BMP2K: variants seen among roughly 807,000 people sequenced by gnomAD.
BMP2K encodes BMP-2-inducible protein kinase.
A neutral mutation model predicts 116.0 loss-of-function variants in BMP2K; 74 were observed. The ratio of observed to expected loss-of-function variants is 0.64; its 90% CI spans 0.53 to 0.77. The LOEUF (loss-of-function observed/expected upper bound fraction) is 0.77, where lower values mean the gene tolerates loss of function less well. BMP2K is among the 30% of genes least tolerant of loss of function. The probability of loss-of-function intolerance (pLI) is 0.00; values close to 1 mark genes in which losing one functional copy is unlikely to be tolerated. For missense variants in BMP2K, 1,365 were observed against 1,403.6 expected, an observed-to-expected ratio of 0.97 and a Z score of 0.44; for synonymous variants, 486 against 502.5, an observed-to-expected ratio of 0.97 and a Z score of 0.44.
At chr4:78,786,667 T>C (rs187010302) in intron 1 of BMP2K, among the ~76,000 whole-genome samples, 102 of 152,314 alleles carry the variant, frequency 6.7e-4, no homozygotes, top group African/African-American at 2.4e-3. Context: ...TCCACCACTC[T>C]GTTAAAAATG....
intron 9 of BMP2K, among the ~76,000 whole-genome samples, chr4:78,861,700 T>C (rs1560533577): frequency 6.6e-6 from 1 of 151,994 alleles, no homozygotes; most frequent in African/African-American, 2.4e-5. Flanking sequence ...AAGTGATTAT[T>C]TAACTGATGA....
intron 1 of BMP2K, among the ~76,000 whole-genome samples, chr4:78,807,738 C>T (rs535985053): frequency 1.3e-5 from 2 of 150,828 alleles, no homozygotes; most frequent in African/African-American, 4.8e-5. Flanking sequence ...CCTTACAATC[C>T]TTTTGATTTC....
chr4:78,826,164 A>G lies in BMP2K; in HGVS notation c.297+9A>G, dbSNP rs1231702180. 6.3e-7 allele frequency: 1 copy of G among 1,590,428 alleles called. No homozygotes were observed. The highest frequency in any genetic ancestry group is 2.2e-5 in the East Asian group (1 of 44,770). On this transcript the variant is annotated intron_variant, in intron 2 of 15. Transcript: ENST00000502613. ...GGGAAATTACAATTATGGTAAGTGA[A>G]GGAGTAGTTCTCTTTCAGAAATTTT...
At position 78,870,132 on chromosome 4, in the gene BMP2K, T is replaced by C. The variant is rs1577943827; in HGVS notation, c.1232-651T>C. ...GTTTATTCATAGGATTTGCCTAGGGTATAATTTATGGAGCTTATAAATAAA... is the reference window on the plus strand; with the variant it reads ...GTTTATTCATAGGATTTGCCTAGGGCATAATTTATGGAGCTTATAAATAAA... On this transcript the variant is annotated intron_variant, in intron 10 of 15. Transcript: ENST00000502613. Among the ~76,000 whole-genome samples, 3 of 152,330 alleles carry C rather than the reference T, an allele frequency of 2.0e-5. No individual in the cohort carries two copies. In the South Asian group the frequency reaches 6.2e-4, roughly 32 times the overall value.
chr4:78,904,888 G>T (rs1262897541), intron 15 of BMP2K, among the ~76,000 whole-genome samples: 3 of 151,826 alleles, frequency 2.0e-5, no homozygotes, highest in Non-Finnish European at 4.4e-5. Context: ...AAATAAGATA[G>T]TTATAATTCC....
In BMP2K at chr4:78,871,993, G is replaced by A. The variant is rs778797400; in HGVS notation, c.1608+45G>A. The A allele has an allele frequency of 5.9e-6, 8 of 1,346,606 alleles. No homozygotes were observed. In the Admixed American group the frequency reaches 1.2e-4, roughly 20 times the overall value. The allele number at this position is 1,346,606 out of a possible 1,614,324, so 83.4% of individuals were successfully genotyped here. A position where few individuals can be genotyped will look rare whatever the true frequency, so the allele number is the denominator to read the frequency against. On this transcript the variant is annotated intron_variant, in intron 12 of 15. Transcript: ENST00000502613. ...GAGATTTCTCTGAGTATACATTATG[G>A]TGTTGGAATTCACAGTATGAATCAT...
chr4:78,807,591 A>T (rs745708124), intron 1 of BMP2K, among the ~76,000 whole-genome samples: 75 of 151,002 alleles, frequency 5.0e-4, no homozygotes, highest in Admixed American at 1.7e-3. Flanking sequence ...TTACTAACTC[A>T]ATCTCTTTAC....
intron 3 of BMP2K, among the ~76,000 whole-genome samples, chr4:78,841,040 G>T (rs1400220273): frequency 2.6e-5 from 4 of 152,140 alleles, no homozygotes; most frequent in African/African-American, 9.7e-5. Flanking sequence ...TGCATGGTCA[G>T]GTGCCCCAGT....
rs1734721164 is a variant in BMP2K, at chr4:78,912,763, A to G, written c.*730A>G. 1 of 151,814 alleles carries G rather than the reference A, an allele frequency of 6.6e-6. No homozygotes were observed. The highest frequency in any genetic ancestry group is 2.1e-4 in the South Asian group (1 of 4,792). 9.4% of individuals were successfully genotyped at this position (151,814 alleles called of 1,614,324 possible). A position where few individuals can be genotyped will look rare whatever the true frequency, so the allele number is the denominator to read the frequency against. On this transcript the variant is annotated 3_prime_UTR_variant, in exon 16 of 16. Transcript: ENST00000502613. Reference sequence around the variant, plus strand: ...ATATATATAATTTTTGTCAGTTAAAACAAATTAAAAAAATGGACTATCGTC... The same window carrying G: ...ATATATATAATTTTTGTCAGTTAAAGCAAATTAAAAAAATGGACTATCGTC...
At chr4:78,815,382 A>C (rs1005716402) in intron 1 of BMP2K, among the ~76,000 whole-genome samples, 1 of 152,140 alleles carries the variant, frequency 6.6e-6, no homozygotes, top group African/African-American at 2.4e-5. Flanking sequence ...AAACCCATAA[A>C]ATATTTTGAT....
At chr4:78,838,305 G>A (rs1357447275) in intron 3 of BMP2K, among the ~76,000 whole-genome samples, 1 of 152,230 alleles carries the variant, frequency 6.6e-6, no homozygotes, top group Non-Finnish European at 1.5e-5. Context: ...ATTTCGCGAT[G>A]AGCTTTGGGT....
Position 78,776,395 on chromosome 4 carries a change from G to A in BMP2K, c.-149G>A. The A allele has an allele frequency of 1.5e-5, 12 of 799,302 alleles. No individual in the cohort carries two copies. The highest frequency in any genetic ancestry group is 1.9e-5 in the African/African-American group (1 of 53,958). 49.5% of individuals were successfully genotyped at this position (799,302 alleles called of 1,614,324 possible). Reference sequence around the variant, plus strand: ...GCGGGCGGCGGGGCCCAGGCTGTGCGCTTGGGGAGCGCGGAATGTGAGGCT... The same window carrying A: ...GCGGGCGGCGGGGCCCAGGCTGTGCACTTGGGGAGCGCGGAATGTGAGGCT... On this transcript the variant is annotated 5_prime_UTR_variant, in exon 1 of 16. Transcript: ENST00000502613.
chr4:78,870,757 A>T, intron 10 of BMP2K, 26 bp from the exon 11 acceptor site: 6 of 1,589,712 alleles, frequency 3.8e-6, no homozygotes, highest in Non-Finnish European at 5.1e-6. Context: ...TAGTATGTTA[A>T]TGTAAGTGTT....
intron 1 of BMP2K, among the ~76,000 whole-genome samples, chr4:78,787,491 A>G (rs1727785263): frequency 6.6e-6 from 1 of 152,116 alleles, no homozygotes. Context: ...ACAGAGTGGG[A>G]GCTGGGTAGT....
At chr4:78,848,844 A>G (rs1056296481) in intron 6 of BMP2K, among the ~76,000 whole-genome samples, 3 of 151,376 alleles carry the variant, frequency 2.0e-5, no homozygotes, top group Admixed American at 2.0e-4. Flanking sequence ...CAGTGTATTT[A>G]TATGCTTGAA....
At chr4:78,868,704 C>A (rs1311854861) in intron 10 of BMP2K, among the ~76,000 whole-genome samples, 1 of 152,072 alleles carries the variant, frequency 6.6e-6, no homozygotes, top group Non-Finnish European at 1.5e-5. Flanking sequence ...TTGGCCAAAA[C>A]AAAGGGGTTA....
intron 13 of BMP2K, among the ~76,000 whole-genome samples, chr4:78,876,563 CCTTT>C (rs753977109): frequency 6.6e-6 from 1 of 152,102 alleles, no homozygotes; most frequent in Admixed American, 6.5e-5. Flanking sequence ...ACGACTTTTG[CCTTT>C]CTTTTCTCTT....
intron 12 of BMP2K, 109 bp downstream of exon 12, chr4:78,872,057 A>G: frequency 1.3e-6 from 1 of 792,018 alleles, no homozygotes; most frequent in Non-Finnish European, 2.0e-6. Context: ...AAGTAAGTTA[A>G]TTGACATGTA....
intron 15 of BMP2K, among the ~76,000 whole-genome samples, chr4:78,902,794 A>C: frequency 6.6e-6 from 1 of 152,162 alleles, no homozygotes; most frequent in Non-Finnish European, 1.5e-5. Flanking sequence ...TAATATGCAT[A>C]GTATGATGCA....
Sources: allele counts gnomAD v4.1 joint callset (sites outside exome capture counted in the v4.1 genomes callset), GRCh38; gene constraint gnomAD v4.1.1; transcripts MANE v1.5; gene names NCBI Gene and HGNC (gene_info 2026-07-23, HGNC 2026-07-21).